DPP6: variants seen among roughly 807,000 people sequenced by gnomAD.
The protein encoded by DPP6 is A-type potassium channel modulatory protein DPP6.
In DPP6, 69 loss-of-function variants were observed where a neutral mutation model predicts 122.6. The ratio of observed to expected loss-of-function variants is 0.56; its 90% CI spans 0.46 to 0.69. The LOEUF is 0.69. Ranked by LOEUF, DPP6 falls within the 30% of genes least tolerant of loss-of-function variation. DPP6 has a pLI of 0.00. For missense variants in DPP6, 928 were observed against 1,116.9 expected (o/e 0.83, Z 2.41); for synonymous variants, 418 against 433.1 (o/e 0.97, Z 0.43).
intron 1 of DPP6, among the ~76,000 whole-genome samples, chr7:154,182,669 C>T (rs73483592): frequency 0.026 from 4,021 of 152,078 alleles, 158 homozygotes; most frequent in African/African-American, 0.093. Context: ...GTGAAGTATC[C>T]TCCGTCTTCA....
intron 4 of DPP6, among the ~76,000 whole-genome samples, chr7:154,544,884 G>A (rs904472367): frequency 6.6e-6 from 1 of 152,208 alleles, no homozygotes; most frequent in Admixed American, 6.5e-5. Flanking sequence ...GGATGATGAT[G>A]TCCAAAGGAG....
intron 4 of DPP6, among the ~76,000 whole-genome samples, chr7:154,547,700 G>A (rs1829307520): frequency 6.6e-6 from 1 of 152,008 alleles, no homozygotes; most frequent in Non-Finnish European, 1.5e-5. Flanking sequence ...AAATTCCCTG[G>A]ATCCTCTTTG....
At chr7:154,290,249 A>G (rs1249698098) in intron 1 of DPP6, among the ~76,000 whole-genome samples, 1 of 152,156 alleles carries the variant, frequency 6.6e-6, no homozygotes, top group Non-Finnish European at 1.5e-5. Flanking sequence ...TCTCAATGAT[A>G]CCTTGATACA....
At chr7:154,024,336 C>T (rs1401476016) in intron 1 of DPP6, among the ~76,000 whole-genome samples, 2 of 152,068 alleles carry the variant, frequency 1.3e-5, no homozygotes, top group East Asian at 3.8e-4. Flanking sequence ...TTCTTGTCAC[C>T]CACAAATCAT....
chr7:154,040,694 G>A (rs557301982), intron 1 of DPP6, among the ~76,000 whole-genome samples: 2 of 152,124 alleles, frequency 1.3e-5, no homozygotes, highest in Non-Finnish European at 2.9e-5. Flanking sequence ...CATGTGTGCT[G>A]AAAGTATTTT....
chr7:153,908,576 A>G (rs1472632146), intron 1 of DPP6, among the ~76,000 whole-genome samples: 1 of 152,190 alleles, frequency 6.6e-6, no homozygotes, highest in Admixed American at 6.5e-5. Context: ...TAGCTCTTTT[A>G]CTGAAAATGT....
At chr7:153,813,887 T>C in the DPP6 span, among the ~76,000 whole-genome samples, 1 of 152,312 alleles carries the variant, frequency 6.6e-6, no homozygotes, top group South Asian at 2.1e-4. Flanking sequence ...GTTTTTTTCT[T>C]GTAAATTTGA....
intron 1 of DPP6, among the ~76,000 whole-genome samples, chr7:154,113,401 A>G (rs1221101850): frequency 6.9e-6 from 1 of 144,708 alleles, no homozygotes; most frequent in African/African-American, 2.8e-5. Flanking sequence ...CTACATATAT[A>G]TATATATATA....
At chr7:154,754,235 CT>C (rs1255175517) in intron 8 of DPP6, among the ~76,000 whole-genome samples, 1 of 152,200 alleles carries the variant, frequency 6.6e-6, no homozygotes, top group African/African-American at 2.4e-5. Context: ...AGGAAAAATT[CT>C]TTCCATCATT....
intron 16 of DPP6, among the ~76,000 whole-genome samples, chr7:154,812,973 A>G (rs1035877074): frequency 6.6e-6 from 1 of 152,116 alleles, no homozygotes; most frequent in Non-Finnish European, 1.5e-5. Context: ...TTTTATGTTT[A>G]TAATTCTTAA....
At chr7:154,062,113 C>T (rs1368410008) in intron 1 of DPP6, among the ~76,000 whole-genome samples, 1 of 104,468 alleles carries the variant, frequency 9.6e-6, no homozygotes, top group Admixed American at 9.4e-5. Context: ...GGACGCACCC[C>T]CCGCGAGGCG....
At chr7:153,900,270 T>C (rs1375398113) in intron 1 of DPP6, among the ~76,000 whole-genome samples, 1 of 152,140 alleles carries the variant, frequency 6.6e-6, no homozygotes, top group African/African-American at 2.4e-5. Context: ...CTACAAACTT[T>C]TTCAACCTCT....
At chr7:154,574,165 T>C (rs1203148880) in intron 5 of DPP6, among the ~76,000 whole-genome samples, 1 of 152,234 alleles carries the variant, frequency 6.6e-6, no homozygotes, top group African/African-American at 2.4e-5. Context: ...AAATGCAAAC[T>C]TTGTTAAGGT....
At chr7:154,087,200 T>G (rs2150541356) in intron 1 of DPP6, among the ~76,000 whole-genome samples, 1 of 151,966 alleles carries the variant, frequency 6.6e-6, no homozygotes, top group East Asian at 1.9e-4. Flanking sequence ...GTCACGGGGC[T>G]GACAGAATGC....
At position 154,498,811 on chromosome 7, in the gene DPP6, C is replaced by T. The variant is rs28528930; in HGVS notation, c.457+23774C>T. On this transcript the variant is annotated intron_variant, in intron 3 of 25. Coordinates refer to ENST00000377770, the MANE Select transcript of DPP6 (RefSeq NM_130797.4). The stretch of plus-strand genomic sequence containing the variant: ...TGCCTGCCCTCTACCCACTCAATGC[C>T]AGCAGCACCCACCACCTACGCTGTA... Among the ~76,000 whole-genome samples the T allele has an allele frequency of 7.3e-3, 1,114 of 152,330 alleles. 14 individuals are homozygous for T. The highest frequency in any genetic ancestry group is 0.025 in the African/African-American group (1,046 of 41,564).
chr7:154,419,053 T>G (rs955157616), intron 1 of DPP6, among the ~76,000 whole-genome samples: 1 of 152,236 alleles, frequency 6.6e-6, no homozygotes, highest in Non-Finnish European at 1.5e-5. Context: ...ATTGGATCAG[T>G]GACTGCTGGA....
chr7:153,989,378 TGA>T (rs1222563605), intron 1 of DPP6, among the ~76,000 whole-genome samples: 7 of 143,882 alleles, frequency 4.9e-5, no homozygotes, highest in Admixed American at 2.1e-4. Context: ...TGGGGAGGAG[TGA>T]GAGTTGTGTG....
intron 9 of DPP6, 93 bp from the exon 10 acceptor site, chr7:154,772,752 A>G (rs919244240): frequency 6.6e-6 from 10 of 1,523,008 alleles, no homozygotes; most frequent in Middle Eastern, 1.7e-4. Context: ...CTGGAGTCCC[A>G]CCTCGGAATC....
chr7:153,895,822 C>G (rs1799391925), intron 1 of DPP6, among the ~76,000 whole-genome samples: 1 of 152,052 alleles, frequency 6.6e-6, no homozygotes, highest in Admixed American at 6.6e-5. Flanking sequence ...AGCTGAAGAT[C>G]TGTTGGATAA....
Sources: gnomAD v4.1 joint callset for allele counts (sites outside exome capture counted in the v4.1 genomes callset) on GRCh38, gnomAD v4.1.1 for gene constraint, MANE v1.5 for transcripts, NCBI Gene and HGNC (gene_info 2026-07-23, HGNC 2026-07-21) for gene names.